The following NPHP1 variants were observed in gnomAD, a reference collection of about 807,000 sequenced individuals.
NPHP1 encodes the protein nephrocystin-1.
A neutral mutation model predicts 90.4 loss-of-function variants in NPHP1; 70 were observed. That is an observed-to-expected ratio of 0.77 (90% CI 0.64 to 0.95). The LOEUF (loss-of-function observed/expected upper bound fraction) is 0.95, where lower values mean the gene tolerates loss of function less well. NPHP1 is among the 40% of genes least tolerant of loss of function. The probability of loss-of-function intolerance (pLI) is 0.00; values close to 1 mark genes in which losing one functional copy is unlikely to be tolerated. For synonymous variants in NPHP1, 256 were observed against 271.7 expected (o/e 0.94, Z 0.57); for missense variants, 764 against 795.9 (o/e 0.96, Z 0.48).
At chr2:110,202,323 A>G (rs560691160) in intron 1 of NPHP1, 2 of 367,858 alleles carry the variant, frequency 5.4e-6, no homozygotes, top group African/African-American at 2.1e-5. Context: ...TTTCTTCTCT[A>G]CTCTTGCAAT....
intron 16 of NPHP1, among the ~76,000 whole-genome samples, chr2:110,141,922 G>A (rs1042128401): frequency 6.8e-5 from 10 of 147,900 alleles, no homozygotes; most frequent in Non-Finnish European, 1.5e-4. Context: ...GCAGTGAGCC[G>A]AGATGGTGCC....
chr2:110,203,409 A>T (rs1369260496), intron 1 of NPHP1, among the ~76,000 whole-genome samples: 2 of 152,134 alleles, frequency 1.3e-5, no homozygotes, highest in African/African-American at 4.8e-5. Context: ...CTGAATCTAA[A>T]ATAAAAGTTG....
At chr2:110,149,932 T>G (rs1681339278) in intron 12 of NPHP1, among the ~76,000 whole-genome samples, 1 of 152,170 alleles carries the variant, frequency 6.6e-6, no homozygotes, top group African/African-American at 2.4e-5. Flanking sequence ...AATGTTATCT[T>G]TATGTTTTCA....
intron 2 of NPHP1, among the ~76,000 whole-genome samples, chr2:110,196,337 G>A (rs893958200): frequency 3.3e-5 from 5 of 152,082 alleles, no homozygotes; most frequent in African/African-American, 1.2e-4. Flanking sequence ...ATCAAAAAGT[G>A]GGCAAAGGAT....
At chr2:110,168,603 A>G in intron 5 of NPHP1, 50 bp from the exon 6 acceptor site, 1 of 1,200,898 alleles carries the variant, frequency 8.3e-7, no homozygotes. Context: ...AATAATCATG[A>G]GTATATGTCA....
At chr2:110,192,968 TCAC>T (rs1684860149) in intron 2 of NPHP1, among the ~76,000 whole-genome samples, 1 of 152,124 alleles carries the variant, frequency 6.6e-6, no homozygotes, top group South Asian at 2.1e-4. Flanking sequence ...AGAGATTTTG[TCAC>T]CACCAGGCCT....
intron 2 of NPHP1, chr2:110,184,911 T>TG: frequency 1.4e-6 from 1 of 690,396 alleles, no homozygotes; most frequent in Non-Finnish European, 2.7e-6. Flanking sequence ...CACAAGGTCC[T>TG]GGTGTTCGCC....
At chr2:110,172,511 C>T (rs912679149) in intron 4 of NPHP1, among the ~76,000 whole-genome samples, 4 of 151,818 alleles carry the variant, frequency 2.6e-5, no homozygotes, top group African/African-American at 7.3e-5. Flanking sequence ...CCAGGTGTGG[C>T]GGCTCACACC....
intron 16 of NPHP1, among the ~76,000 whole-genome samples, chr2:110,136,755 A>G (rs2104455103): frequency 6.6e-6 from 1 of 152,300 alleles, no homozygotes; most frequent in Admixed American, 6.5e-5. Flanking sequence ...CGCCCAAGGT[A>G]ATTTATAGAT....
At chr2:110,148,912 A>G (rs1681264226) in intron 12 of NPHP1, among the ~76,000 whole-genome samples, 1 of 151,988 alleles carries the variant, frequency 6.6e-6, no homozygotes, top group Admixed American at 6.6e-5. Flanking sequence ...AATCTATCCA[A>G]CCTTCAAGAT....
chr2:110,201,834 T>G (rs1269748863), intron 1 of NPHP1, among the ~76,000 whole-genome samples: 2 of 152,162 alleles, frequency 1.3e-5, no homozygotes, highest in Non-Finnish European at 2.9e-5. Context: ...GAGGCATACA[T>G]TTGCTGAGTT....
chr2:110,184,830 G>A, intron 2 of NPHP1: 2 of 707,606 alleles, frequency 2.8e-6, no homozygotes, highest in Non-Finnish European at 5.3e-6. Flanking sequence ...ATTGAGATTG[G>A]TCCTTCCCAA....
At chr2:110,191,698 C>T (rs1236265152) in intron 2 of NPHP1, among the ~76,000 whole-genome samples, 1 of 152,164 alleles carries the variant, frequency 6.6e-6, no homozygotes, top group African/African-American at 2.4e-5. Flanking sequence ...TGAGAACGGA[C>T]AGACTGCCTC....
chr2:110,138,283 G>T (rs187486867), intron 16 of NPHP1, among the ~76,000 whole-genome samples: 1 of 151,778 alleles, frequency 6.6e-6, no homozygotes, highest in Non-Finnish European at 1.5e-5. Context: ...TAACTAACCT[G>T]CACGTTCTGC....
chr2:110,181,285 C>T (rs781708795), intron 2 of NPHP1, among the ~76,000 whole-genome samples: 13 of 152,190 alleles, frequency 8.5e-5, no homozygotes, highest in African/African-American at 1.2e-4. Flanking sequence ...TACCAAAAAG[C>T]AGCCAGACTG....
chr2:110,123,762 G>A lies in NPHP1; in HGVS notation c.*29C>T, dbSNP rs771874665. The A allele has an allele frequency of 2.2e-5, 35 of 1,610,788 alleles. No individual in the cohort carries two copies. Among genetic ancestry groups the A allele is most frequent in the Non-Finnish European group, 1.7e-6 (2 of 1,177,810 alleles). On this transcript the variant is annotated 3_prime_UTR_variant, in exon 20 of 20. Transcript: ENST00000445609. ...TCGTGGAGGATCCATCTGATTCCGT[G>A]GGAAGCTGAGGGCTAGAGGCTGCCA...
intron 16 of NPHP1, among the ~76,000 whole-genome samples, chr2:110,141,972 C>CA (rs397934223): frequency 0.4 from 37,111 of 93,808 alleles, 5,925 homozygotes; most frequent in East Asian, 0.6. Flanking sequence ...GACTCTGTCT[C>CA]AAAAAAAAAA....
At chr2:110,125,133 C>T (rs961365723) in intron 19 of NPHP1, 10 of 1,485,796 alleles carry the variant, frequency 6.7e-6, no homozygotes, top group Admixed American at 2.2e-5. Flanking sequence ...GATTTTCCAT[C>T]TATAGCCCTT....
chr2:110,147,102 CTT>C (rs1681110462), intron 13 of NPHP1, among the ~76,000 whole-genome samples: 1 of 152,162 alleles, frequency 6.6e-6, no homozygotes, highest in Non-Finnish European at 1.5e-5. Flanking sequence ...GCCATTGTCT[CTT>C]GACTGATATA....
Sources: allele counts gnomAD v4.1 joint callset (sites outside exome capture counted in the v4.1 genomes callset), GRCh38; gene constraint gnomAD v4.1.1; transcripts MANE v1.5; gene names NCBI Gene and HGNC (gene_info 2026-07-23, HGNC 2026-07-21).